The following SHANK2 variants were observed in gnomAD, a reference collection of about 807,000 sequenced individuals.
SHANK2 encodes SH3 and multiple ankyrin repeat domains protein 2.
SHANK2 carries 43 observed loss-of-function variants against 133.7 expected under a neutral mutation model. The ratio of observed to expected loss-of-function variants is 0.32; its 90% CI spans 0.25 to 0.41. The LOEUF is 0.41. Among genes scored for constraint, SHANK2 ranks in the 10% least tolerant of loss-of-function variants. The probability of loss-of-function intolerance (pLI) is 1.00; values close to 1 mark genes in which losing one functional copy is unlikely to be tolerated. For synonymous variants in SHANK2, 1,017 were observed against 952.8 expected, an observed-to-expected ratio of 1.07 and a Z score of -1.24; for missense variants, 1,994 against 2,235.8, an observed-to-expected ratio of 0.89 and a Z score of 2.18.
intron 17 of SHANK2, chr11:70,631,742 G>A (rs535281743): frequency 6.6e-6 from 1 of 152,442 alleles, no homozygotes; most frequent in South Asian, 2.1e-4. Context: ...GCCCAAAGCA[G>A]TCGGGGTCCC....
chr11:71,233,177 G>A (rs952334966), intron 1 of SHANK2, among the ~76,000 whole-genome samples: 5 of 151,962 alleles, frequency 3.3e-5, no homozygotes, highest in African/African-American at 9.7e-5. Flanking sequence ...GAATGTTCAC[G>A]GCAGCATACC....
intron 17 of SHANK2, among the ~76,000 whole-genome samples, chr11:70,613,242 C>T (rs938788363): frequency 4.6e-5 from 7 of 151,776 alleles, no homozygotes; most frequent in Admixed American, 2.0e-4. Flanking sequence ...CTTGCTCTGT[C>T]GCCCAGGCTG....
At chr11:70,693,562 T>C (rs1271350619) in intron 15 of SHANK2, among the ~76,000 whole-genome samples, 1 of 152,250 alleles carries the variant, frequency 6.6e-6, no homozygotes, top group Non-Finnish European at 1.5e-5. Context: ...ATCTGCTTCA[T>C]AGCATTAACT....
intron 3 of SHANK2, among the ~76,000 whole-genome samples, chr11:71,130,218 G>A (rs1952273172): frequency 6.6e-6 from 1 of 152,192 alleles, no homozygotes; most frequent in Admixed American, 6.5e-5. Context: ...CCACAACACT[G>A]AATGACCATG....
intron 9 of SHANK2, among the ~76,000 whole-genome samples, chr11:71,064,545 C>T (rs950744097): frequency 2.0e-5 from 3 of 151,976 alleles, no homozygotes; most frequent in Non-Finnish European, 4.4e-5. Flanking sequence ...GGATGAAGAA[C>T]TTGGGTGACA....
intron 3 of SHANK2, among the ~76,000 whole-genome samples, chr11:71,145,236 C>A (rs1347747772): frequency 6.6e-6 from 1 of 152,130 alleles, no homozygotes. Context: ...CTGGGCCACA[C>A]TGGAAGAAGA....
chr11:70,676,182 C>T (rs1361898706), intron 15 of SHANK2, among the ~76,000 whole-genome samples: 1 of 152,272 alleles, frequency 6.6e-6, no homozygotes, highest in African/African-American at 2.4e-5. Context: ...CTCCACCACA[C>T]CCAGCTCCTG....
intron 2 of SHANK2, among the ~76,000 whole-genome samples, chr11:71,211,444 G>A (rs543925011): frequency 3.3e-5 from 5 of 151,746 alleles, no homozygotes; most frequent in South Asian, 2.1e-4. Flanking sequence ...GGGCTGAGGC[G>A]AGAGAATCAC....
At chr11:71,097,249 G>A (rs1951631966) in intron 6 of SHANK2, among the ~76,000 whole-genome samples, 1 of 152,092 alleles carries the variant, frequency 6.6e-6, no homozygotes, top group Non-Finnish European at 1.5e-5. Flanking sequence ...TTTGCAAAGA[G>A]CACGTCCGCT....
intron 1 of SHANK2, among the ~76,000 whole-genome samples, chr11:71,245,027 C>CTAGA (rs1242346543): frequency 2.0e-5 from 3 of 151,776 alleles, no homozygotes; most frequent in Non-Finnish European, 2.9e-5. Flanking sequence ...GTCACCCAGG[C>CTAGA]TAGAGTACAG....
At position 70,487,934 on chromosome 11, in the gene SHANK2, G is replaced by C. The variant is rs2058835584; in HGVS notation, c.2573-214C>G. On this transcript the variant is annotated intron_variant, in intron 24 of 25. Coordinates refer to ENST00000601538, the MANE Select transcript of SHANK2 (RefSeq NM_012309.5). This position sits in a 1 kb window ranked among gnomAD's most constrained non-coding sequence, Gnocchi z 5.8. The stretch of plus-strand genomic sequence containing the variant: ...AAAGGGAAGAACAGAAAGGCACTGG[G>C]GATGCTGTGAGTACGCTGCTGCTGT... Among the ~76,000 whole-genome samples the C allele has an allele frequency of 1.3e-5, 2 of 152,354 alleles. No homozygotes were observed. The highest frequency in any genetic ancestry group is 4.1e-4 in the South Asian group (2 of 4,832).
chr11:71,179,097 C>T (rs1953500860), intron 2 of SHANK2, among the ~76,000 whole-genome samples: 1 of 152,140 alleles, frequency 6.6e-6, no homozygotes, highest in Non-Finnish European at 1.5e-5. Flanking sequence ...CATCTCAATG[C>T]CTTCTGTGAG....
chr11:70,834,856 G>A (rs1488829878), intron 11 of SHANK2, among the ~76,000 whole-genome samples: 1 of 152,128 alleles, frequency 6.6e-6, no homozygotes, highest in Non-Finnish European at 1.5e-5. Context: ...ACTGAGGAGC[G>A]GGCGTCGGAA....
intron 11 of SHANK2, among the ~76,000 whole-genome samples, chr11:70,895,240 C>T (rs188137144): frequency 2.0e-5 from 3 of 152,330 alleles, no homozygotes; most frequent in East Asian, 1.9e-4. Flanking sequence ...CCGTGGTTGA[C>T]GTAGGGCACA....
intron 14 of SHANK2, among the ~76,000 whole-genome samples, chr11:70,752,873 C>T (rs1428731216): frequency 2.0e-5 from 3 of 151,902 alleles, no homozygotes; most frequent in Non-Finnish European, 4.4e-5. Context: ...CAGTACCTTG[C>T]GGGGCCGAGG....
At chr11:71,112,617 C>A (rs1396926452) in intron 5 of SHANK2, among the ~76,000 whole-genome samples, 2 of 152,136 alleles carry the variant, frequency 1.3e-5, no homozygotes, top group African/African-American at 2.4e-5. Context: ...TCCTTAGGAA[C>A]AGCACCAGGG....
In SHANK2 at chr11:70,500,327, C is replaced by T. The variant is rs782416588; in HGVS notation, c.2308+243G>A. On this transcript the variant is annotated intron_variant, in intron 21 of 25. Coordinates refer to ENST00000601538, the MANE Select transcript of SHANK2 (RefSeq NM_012309.5). The surrounding 1 kb of genome is among the most constrained non-coding windows in gnomAD (Gnocchi z 4.5). ...GGTCCGGCCAGCTTCACGGTCATGA[C>T]GATGTGAACACAGGTCAGGGAAGAA... is the stretch of plus-strand genomic sequence containing the variant. Among the ~76,000 whole-genome samples, 3 of 152,054 alleles carry T rather than the reference C, an allele frequency of 2.0e-5. No individual in the cohort carries two copies. The highest frequency in any genetic ancestry group is 4.4e-5 in the Non-Finnish European group (3 of 68,018).
At chr11:71,061,164 G>T (rs980860170) in intron 9 of SHANK2, among the ~76,000 whole-genome samples, 1 of 152,224 alleles carries the variant, frequency 6.6e-6, no homozygotes, top group African/African-American at 2.4e-5. Context: ...TGCAAACTAC[G>T]GCCCTTGGGC....
At chr11:71,217,192 C>T (rs537438134) in intron 2 of SHANK2, among the ~76,000 whole-genome samples, 50 of 149,438 alleles carry the variant, frequency 3.3e-4, no homozygotes, top group African/African-American at 1.1e-3. Context: ...AGCAAAACTC[C>T]GTCTCAAAAT....
Sources: gnomAD v4.1 joint callset for allele counts (sites outside exome capture counted in the v4.1 genomes callset) on GRCh38, gnomAD v4.1.1 for gene constraint, Gnocchi (gnomAD v3.1) non-coding constraint, MANE v1.5 for transcripts, NCBI Gene and HGNC (gene_info 2026-07-23, HGNC 2026-07-21) for gene names.